COL7A1: variants seen among roughly 807,000 people sequenced by gnomAD.
COL7A1 encodes the protein collagen alpha-1(VII) chain.
Under a neutral mutation model 456.2 loss-of-function variants are expected in COL7A1, and 296 were observed. The observed-to-expected ratio is 0.65, with a 90% confidence interval of 0.59 to 0.71. The LOEUF (loss-of-function observed/expected upper bound fraction) is 0.71, where lower values mean the gene tolerates loss of function less well. COL7A1 is among the 30% of genes least tolerant of loss of function. The pLI, the probability that COL7A1 is intolerant of heterozygous loss-of-function variation, is 0.00. For synonymous variants in COL7A1, 1,464 were observed against 1,525.9 expected, an observed-to-expected ratio of 0.96 and a Z score of 0.95; for missense variants, 3,441 against 4,017.2, an observed-to-expected ratio of 0.86 and a Z score of 3.88.
Position 48,584,921 on chromosome 3 carries a change from G to C in COL7A1, c.4000C>G (p.Arg1334Gly), listed in dbSNP as rs141720633. 1.2e-6 allele frequency: 2 copies of C among 1,613,882 alleles called. No homozygotes were observed. The highest frequency in any genetic ancestry group is 1.1e-5 in the South Asian group (1 of 91,084). Residue 1334 changes from arginine (R) to glycine (G), a missense_variant, in exon 34 of 119, where the codon CGT becomes GGT. Physicochemically the swap from Arg to Gly is moderately radical, Grantham distance 125. Coordinates refer to ENST00000681320, the MANE Select transcript of COL7A1 (RefSeq NM_000094.4). ...LKGSPGLPGP[R>G]GDPGERGPRG... ...GGAAGGCACCTTACCGGGTCCCCAC[G>C]AGGGCCAGGCAACCCTGGAGAGCCC...
chr3:48,576,317 T>C (rs1173381166), intron 70 of COL7A1, 21 bp from the exon 71 acceptor site: 1 of 1,613,666 alleles, frequency 6.2e-7, no homozygotes, highest in Non-Finnish European at 8.5e-7. Flanking sequence ...GAAGACAAAC[T>C]GCTAGGAACC....
In COL7A1 at chr3:48,594,469, G is replaced by A. The variant is rs1184559119; in HGVS notation, c.165C>T (p.Arg55=). 1.2e-6 allele frequency: 2 copies of A among 1,612,352 alleles called. No homozygotes were observed. Among genetic ancestry groups the A allele is most frequent in the Non-Finnish European group, 1.7e-6 (2 of 1,180,032 alleles). Residue 55 remains arginine (R), a synonymous_variant, in exon 3 of 119, where the codon CGC becomes CGT. Transcript: ENST00000681320. This position sits in a 1 kb window ranked among gnomAD's most constrained non-coding sequence, Gnocchi z 5.5. The part of the protein sequence containing the change: ...GSSSIGRSNF[R]EVRSFLEGLV... The stretch of plus-strand genomic sequence containing the variant: ...GCCCTTCGAGAAAGCTGCGGACCTC[G>A]CGGAAATTGCTGCGGCCAATGGATG...
chr3:48,564,947 C>T lies in COL7A1; in HGVS notation c.8654G>A (p.Cys2885Tyr), dbSNP rs749519562. 7 of 1,614,080 alleles carry T rather than the reference C, an allele frequency of 4.3e-6. No homozygotes were observed. The Admixed American group carries it at 8.3e-5, about 19-fold the overall frequency. Reference protein sequence around the residue: ...PCSLPLDEGSCTAYTLRWYHR... With the variant: ...PCSLPLDEGSYTAYTLRWYHR... Reference sequence around the variant, plus strand: ...GTACCAGCGCAGGGTGTAGGCAGTGCAGGAGCCCTCATCCAGTGGCAGGGA... The same window carrying T: ...GTACCAGCGCAGGGTGTAGGCAGTGTAGGAGCCCTCATCCAGTGGCAGGGA... Residue 2885 changes from cysteine (C) to tyrosine (Y), a missense_variant, in exon 118 of 119, where the codon TGC becomes TAC. Coordinates refer to ENST00000681320, the MANE Select transcript of COL7A1 (RefSeq NM_000094.4). The surrounding 1 kb of genome is among the most constrained non-coding windows in gnomAD (Gnocchi z 6.0).
rs772646598 is a variant in COL7A1 at position 48,591,894 on chromosome 3, T to G, written c.1357+4A>C. The G allele has an allele frequency of 1.2e-5, 19 of 1,614,052 alleles. No individual in the cohort carries two copies. Among genetic ancestry groups the G allele is most frequent in the Admixed American group, 1.7e-5 (1 of 60,006 alleles). On this transcript the variant is annotated splice_donor_region_variant and intron_variant, in intron 11 of 118. Transcript: ENST00000681320. The surrounding 1 kb of genome is among the most constrained non-coding windows in gnomAD (Gnocchi z 7.0). ...TGCCTGTCCATCCCTTCCCCCGCAC[T>G]GACCAGTCTCACGCCGCCATTCCAA...
chr3:48,580,304 T>G lies in COL7A1; in HGVS notation c.5093A>C (p.Glu1698Ala). 13 of 1,610,130 alleles carry G rather than the reference T, an allele frequency of 8.1e-6. No homozygotes were observed. Among genetic ancestry groups the G allele is most frequent in the Non-Finnish European group, 1.0e-5 (12 of 1,178,282 alleles). The change falls in exon 56 of 119, where the codon GAG becomes GCG. Residue 1698 changes from glutamate (E) to alanine (A), a missense_variant. Coordinates refer to ENST00000681320, the MANE Select transcript of COL7A1 (RefSeq NM_000094.4). This position sits in a 1 kb window ranked among gnomAD's most constrained non-coding sequence, Gnocchi z 4.5. Reference sequence around the variant, plus strand: ...CAGGACACCAGCCCTACTCACCGGCTCCCCACGGTCACCCTTGGGTCCAGA... The same window carrying G: ...CAGGACACCAGCCCTACTCACCGGCGCCCCACGGTCACCCTTGGGTCCAGA... ...GSSGPKGDRGEPGPPGPPGRL... is the reference protein window; with the variant it reads ...GSSGPKGDRGAPGPPGPPGRL...
intron 65 of COL7A1, among the ~76,000 whole-genome samples, chr3:48,577,411 A>G (rs539310355): frequency 4.6e-5 from 7 of 152,284 alleles, no homozygotes; most frequent in African/African-American, 1.7e-4. Flanking sequence ...ATGTCTGCAT[A>G]TGGGCATGGG....
Position 48,587,037 on chromosome 3 carries a change from C to T in COL7A1, c.3211G>A (p.Ala1071Thr), listed in dbSNP as rs143245957. Residue 1071 changes from alanine (A) to threonine (T), a missense_variant, in exon 25 of 119, where the codon GCT becomes ACT. Transcript: ENST00000681320. This position sits in a 1 kb window ranked among gnomAD's most constrained non-coding sequence, Gnocchi z 6.1. Reference protein sequence around the residue: ...ATQDNAHRAEATRRVLERLVL... With the variant: ...ATQDNAHRAETTRRVLERLVL... ...AGACGCTCCAGGACCCTCCTCGTAG[C>T]CTCCGCACGGTGAGCATTGTCTTGA... 272 of 1,607,598 alleles carry T rather than the reference C, an allele frequency of 1.7e-4. 2 individuals are homozygous for T. The East Asian group carries it at 6.0e-3, about 35-fold the overall frequency.
At position 48,565,652 on chromosome 3, in the gene COL7A1, G is replaced by A. The variant is rs1180619895; in HGVS notation, c.8424C>T (p.Phe2808=). ...ACTACTCACGTGATCCAGATGCGAT[G>A]AACTGGCCCTGGCAGGCTAGAGGGG... ...MSQHCACQGQ[F]IASGSRPLPS... The change falls in exon 115 of 119, where the codon TTC becomes TTT. Residue 2808 remains phenylalanine, a synonymous_variant. Coordinates refer to ENST00000681320, the MANE Select transcript of COL7A1 (RefSeq NM_000094.4). The surrounding 1 kb of genome is among the most constrained non-coding windows in gnomAD (Gnocchi z 4.5). 1 of 1,613,838 alleles carries A rather than the reference G, an allele frequency of 6.2e-7. No homozygotes were observed. Among genetic ancestry groups the A allele is most frequent in the Non-Finnish European group, 8.5e-7 (1 of 1,179,922 alleles).
chr3:48,588,485 C>A lies in COL7A1; in HGVS notation c.2588-81G>T. The A allele has an allele frequency of 6.3e-7, 1 of 1,593,796 alleles. No individual in the cohort carries two copies. Among genetic ancestry groups the A allele is most frequent in the Non-Finnish European group, 8.5e-7 (1 of 1,174,800 alleles). On this transcript the variant is annotated intron_variant, in intron 20 of 118. Coordinates refer to ENST00000681320, the MANE Select transcript of COL7A1 (RefSeq NM_000094.4). This position sits in a 1 kb window ranked among gnomAD's most constrained non-coding sequence, Gnocchi z 4.6. Reference sequence around the variant, plus strand: ...TCCCAGGCCCACCCTGGCACACGCACCCCGCCCAGCCTCTCAGACCCCTCT... The same window carrying A: ...TCCCAGGCCCACCCTGGCACACGCAACCCGCCCAGCCTCTCAGACCCCTCT...
In COL7A1 at chr3:48,570,990, G is replaced by C; in HGVS notation, c.7165-22C>G. ...CTCCCTGAAATAAAAACAGCAAAGG[G>C]AGGGAATGGTCAATGCAGGACCCCT... is the stretch of plus-strand genomic sequence containing the variant. On this transcript the variant is annotated intron_variant, in intron 94 of 118. Transcript: ENST00000681320. This position sits in a 1 kb window ranked among gnomAD's most constrained non-coding sequence, Gnocchi z 5.5. The C allele has an allele frequency of 1.2e-6, 2 of 1,612,782 alleles. No individual in the cohort carries two copies. The highest frequency in any genetic ancestry group is 1.7e-6 in the Non-Finnish European group (2 of 1,179,256).
In COL7A1 at chr3:48,590,684, G is replaced by C. The variant is rs771196320; in HGVS notation, c.1769C>G (p.Thr590Ser). 1 of 1,614,030 alleles carries C rather than the reference G, an allele frequency of 6.2e-7. No homozygotes were observed. The highest frequency in any genetic ancestry group is 1.1e-5 in the South Asian group (1 of 91,082). ...GPREGSASVL[T>S]VRREPETPLA... is the part of the protein sequence containing the mutation. ...CCTGCAGTACTCACCCCGGCGGACAGTGAGGACACTGGCACTGCCCTCACG... is the reference window on the plus strand; with the variant it reads ...CCTGCAGTACTCACCCCGGCGGACACTGAGGACACTGGCACTGCCCTCACG... Residue 590 changes from threonine (T) to serine (S), a missense_variant, in exon 14 of 119, where the codon ACT becomes AGT. Around this residue, in one of 3 missense-constraint regions of COL7A1, gnomAD observed 913 missense variants for 1,088.2 expected, o/e 0.84. Transcript: ENST00000681320. This position sits in a 1 kb window ranked among gnomAD's most constrained non-coding sequence, Gnocchi z 4.6.
Position 48,578,311 on chromosome 3 carries a change from A to G in COL7A1, c.5532+10T>C. 6.2e-7 allele frequency: 1 copy of G among 1,612,256 alleles called. No homozygotes were observed. Among genetic ancestry groups the G allele is most frequent in the Non-Finnish European group, 8.5e-7 (1 of 1,179,968 alleles). On this transcript the variant is annotated intron_variant, in intron 65 of 118. Transcript: ENST00000681320. The surrounding 1 kb of genome is among the most constrained non-coding windows in gnomAD (Gnocchi z 4.7). ...GCAGGTTTCGCCGCAGCTGCCCTGG[A>G]CACACTCACGTTTTTTCCATTCAGG...
chr3:48,588,266 TG>T lies in COL7A1; in HGVS notation c.2710+15del. On this transcript the variant is annotated intron_variant, in intron 21 of 118. Transcript: ENST00000681320. This position sits in a 1 kb window ranked among gnomAD's most constrained non-coding sequence, Gnocchi z 4.6. ...CCCCCAATGGTCCCTAACTTCCTCC[TG>T]GGGACACCTCTCACCCTCAGGTTGC... The T allele has an allele frequency of 6.2e-7, 1 of 1,612,806 alleles. No individual in the cohort carries two copies. The highest frequency in any genetic ancestry group is 8.5e-7 in the Non-Finnish European group (1 of 1,179,928).
At chr3:48,582,457 C>T in intron 46 of COL7A1, 21 bp downstream of exon 46, 1 of 1,614,150 alleles carries the variant, frequency 6.2e-7, no homozygotes, top group Non-Finnish European at 8.5e-7. Context: ...CAGACAGTGC[C>T]ACCCCCAGCC....
chr3:48,592,432 T>A lies in COL7A1; in HGVS notation c.1012A>T (p.Thr338Ser). 6.2e-7 allele frequency: 1 copy of A among 1,613,648 alleles called. No individual in the cohort carries two copies. The highest frequency in any genetic ancestry group is 1.7e-5 in the Admixed American group (1 of 60,030). The stretch of plus-strand genomic sequence containing the variant: ...GCCACCAGGAGGCTGTGGGCTGTGG[T>A]ATTCTGGATGGTCAGTTCCGGCCCT... ...LEGPELTIQN[T>S]TAHSLLVAWR... is the part of the protein sequence containing the mutation. The change falls in exon 9 of 119, where the codon ACC becomes TCC. Residue 338 changes from threonine to serine, a missense_variant. Thr to Ser is a moderately conservative substitution (Grantham distance 58, BLOSUM62 1). Transcript: ENST00000681320. The surrounding 1 kb of genome is among the most constrained non-coding windows in gnomAD (Gnocchi z 7.6).
chr3:48,590,317 G>A lies in COL7A1; in HGVS notation c.1946C>T (p.Ala649Val), dbSNP rs1382242304. ...SSQTLPPDST[A>V]TDITGLQPGT... ...AGGCTGCAGCCCTGTGATGTCTGTGGCAGTAGAGTCTGGGGGCAGTGTCTG... is the reference window on the plus strand; with the variant it reads ...AGGCTGCAGCCCTGTGATGTCTGTGACAGTAGAGTCTGGGGGCAGTGTCTG... Residue 649 changes from alanine to valine, a missense_variant, in exon 16 of 119, where the codon GCC (alanine) becomes GTC (valine). Physicochemically the swap from Ala to Val is moderately conservative, Grantham distance 64 (BLOSUM62 0). Transcript: ENST00000681320. This position sits in a 1 kb window ranked among gnomAD's most constrained non-coding sequence, Gnocchi z 4.6. 1.6e-5 allele frequency: 26 copies of A among 1,614,108 alleles called. No homozygotes were observed. Among genetic ancestry groups the A allele is most frequent in the Non-Finnish European group, 2.2e-5 (26 of 1,180,010 alleles).
At position 48,564,918 on chromosome 3, in the gene COL7A1, G is replaced by A. The variant is rs751882294; in HGVS notation, c.8683C>T (p.Arg2895Trp). 8 of 1,614,208 alleles carry A rather than the reference G, an allele frequency of 5.0e-6. No homozygotes were observed. Among genetic ancestry groups the A allele is most frequent in the South Asian group, 2.2e-5 (2 of 91,076 alleles). Residue 2895 changes from arginine (R) to tryptophan (W), a missense_variant, in exon 118 of 119, where the codon CGG becomes TGG. This residue lies in a region of COL7A1 where 2,084 missense variants were observed against 2,501.3 expected (regional missense o/e 0.83). Transcript: ENST00000681320. This position sits in a 1 kb window ranked among gnomAD's most constrained non-coding sequence, Gnocchi z 6.0. ...CTAYTLRWYH[R>W]AVTGSTEACH... ...GCCTCTGTGCTGCCTGTCACAGCCC[G>A]ATGGTACCAGCGCAGGGTGTAGGCA...
Position 48,576,387 on chromosome 3 carries a change from G to A in COL7A1, c.5772+13C>T. 2 of 1,613,892 alleles carry A rather than the reference G, an allele frequency of 1.2e-6. No individual in the cohort carries two copies. Among genetic ancestry groups the A allele is most frequent in the Non-Finnish European group, 1.7e-6 (2 of 1,180,000 alleles). Reference sequence around the variant, plus strand: ...GTGGCTACCTGGGCATGTGGAAAAGGTGGGGGCCTCACCTGCTCCCCTTTG... The same window carrying A: ...GTGGCTACCTGGGCATGTGGAAAAGATGGGGGCCTCACCTGCTCCCCTTTG... On this transcript the variant is annotated intron_variant, in intron 70 of 118. Coordinates refer to ENST00000681320, the MANE Select transcript of COL7A1 (RefSeq NM_000094.4).
At position 48,571,240 on chromosome 3, in the gene COL7A1, T is replaced by A. The variant is rs749077987; in HGVS notation, c.7104+3A>T. On this transcript the variant is annotated splice_donor_region_variant and intron_variant, in intron 93 of 118. Transcript: ENST00000681320. This position sits in a 1 kb window ranked among gnomAD's most constrained non-coding sequence, Gnocchi z 4.6. ...CAGCAGGGACCCTTCTGGGTACACA[T>A]ACCTTGAAACCTTTGGGTCCTGGAG... 8 of 1,614,116 alleles carry A rather than the reference T, an allele frequency of 5.0e-6. No individual in the cohort carries two copies. The highest frequency in any genetic ancestry group is 1.7e-5 in the Admixed American group (1 of 60,032).
Sources: allele counts gnomAD v4.1 joint callset (sites outside exome capture counted in the v4.1 genomes callset), GRCh38; gene constraint gnomAD v4.1.1; regional missense constraint gnomAD v4.1.1; non-coding constraint Gnocchi (gnomAD v3.1); transcripts MANE v1.5; gene names NCBI Gene and HGNC (gene_info 2026-07-23, HGNC 2026-07-21).